DPH6: variants seen among roughly 807,000 people sequenced by gnomAD.
The protein encoded by DPH6 is diphthamine biosynthesis 6, also known as diphthine--ammonia ligase.
A neutral mutation model predicts 38.2 loss-of-function variants in DPH6; 33 were observed. The ratio of observed to expected loss-of-function variants is 0.86; its 90% confidence interval spans 0.65 to 1.15. The LOEUF is 1.15. DPH6 is among the 50% of genes most tolerant of loss of function. The pLI, the probability that DPH6 is intolerant of heterozygous loss-of-function variation, is 0.00. For synonymous variants in DPH6, 108 were observed against 103.0 expected, an observed-to-expected ratio of 1.05 and a Z score of -0.30; for missense variants, 325 against 320.0, an observed-to-expected ratio of 1.02 and a Z score of -0.12.
the DPH6 span, among the ~76,000 whole-genome samples, chr15:35,210,770 C>T: frequency 2.6e-5 from 4 of 152,012 alleles, no homozygotes; most frequent in Admixed American, 6.6e-5. Context: ...GATCTTCCTT[C>T]AAGTCTGTGT....
rs1480635012 is a variant in DPH6, at chr15:35,247,030, AAACTATCTCTTGCTG to A, written n.201-26463_201-26449del. Among the ~76,000 whole-genome samples the A allele has an allele frequency of 2.6e-5, 4 of 152,186 alleles. No homozygotes were observed. In the East Asian group the frequency reaches 7.7e-4, roughly 29 times the overall value. On this transcript the variant is annotated intron_variant and non_coding_transcript_variant, in intron 3 of 3. Coordinates refer to the DPH6 transcript ENST00000560386. Reference sequence around the variant, plus strand: ...TGTAGAGCAATTTTTATGTTAAAACAAACTATCTCTTGCTGATTCCATTTGCCTCAATTAAGGAAT... The same window carrying A: ...TGTAGAGCAATTTTTATGTTAAAACAATTCCATTTGCCTCAATTAAGGAAT...
At chr15:35,276,776 T>A (rs1184591567) in intron 3 of DPH6, among the ~76,000 whole-genome samples, 1 of 152,210 alleles carries the variant, frequency 6.6e-6, no homozygotes, top group Non-Finnish European at 1.5e-5. Flanking sequence ...TCTATTCTGT[T>A]CCATTGGTCT....
At chr15:35,373,697 C>G (rs1003207569) in intron 7 of DPH6, 89 bp from the exon 8 acceptor site, 1 of 989,050 alleles carries the variant, frequency 1.0e-6, no homozygotes, top group Non-Finnish European at 1.5e-6. Context: ...ACTAAACATT[C>G]TTGTTTTATA....
intron 6 of DPH6, among the ~76,000 whole-genome samples, chr15:35,397,687 T>C (rs2053155070): frequency 6.6e-6 from 1 of 152,098 alleles, no homozygotes; most frequent in Admixed American, 6.6e-5. Flanking sequence ...AGGGCACTAA[T>C]TAACAAGCAG....
intron 3 of DPH6, among the ~76,000 whole-genome samples, chr15:35,312,435 T>G (rs1223542737): frequency 6.6e-6 from 1 of 152,086 alleles, no homozygotes; most frequent in Non-Finnish European, 1.5e-5. Context: ...AATCCAGGTG[T>G]CCACAAACTG....
At chr15:35,209,877 C>A in the DPH6 span, among the ~76,000 whole-genome samples, 1 of 152,172 alleles carries the variant, frequency 6.6e-6, no homozygotes, top group African/African-American at 2.4e-5. Context: ...AAAACCTTTT[C>A]ATAAATTGCT....
At chr15:35,257,749 GTAT>G (rs2051717680) in intron 3 of DPH6, among the ~76,000 whole-genome samples, 1 of 146,740 alleles carries the variant, frequency 6.8e-6, no homozygotes, top group Admixed American at 6.9e-5. Flanking sequence ...ACTCAAAACA[GTAT>G]TATTTTCTTG....
Position 35,338,536 on chromosome 15 carries a change from G to A in DPH6, n.208-7459C>T, listed in dbSNP as rs1226168351. Among the ~76,000 whole-genome samples the A allele has an allele frequency of 3.3e-5, 5 of 152,170 alleles. No individual in the cohort carries two copies. The South Asian group carries it at 1.0e-3, about 32-fold the overall frequency. ...TCATTAAAAAGTCAGGAAACAACAG[G>A]TGCTGGAGAGGATGTGGAGAAATAG... is the stretch of plus-strand genomic sequence containing the variant. On this transcript the variant is annotated intron_variant and non_coding_transcript_variant, in intron 3 of 3. Transcript: ENST00000558973.
chr15:35,334,327 T>G (rs1054061546), intron 3 of DPH6, among the ~76,000 whole-genome samples: 2 of 152,118 alleles, frequency 1.3e-5, no homozygotes, highest in African/African-American at 4.8e-5. Context: ...AAGATAAACT[T>G]GTATATTATG....
intron 3 of DPH6, among the ~76,000 whole-genome samples, chr15:35,246,487 T>C (rs776893263): frequency 3.9e-5 from 6 of 152,214 alleles, no homozygotes; most frequent in Non-Finnish European, 7.3e-5. Context: ...CTTCAAATAG[T>C]ATTTTTCTTC....
chr15:35,241,502 T>C (rs2051598802), intron 3 of DPH6, among the ~76,000 whole-genome samples: 1 of 137,790 alleles, frequency 7.3e-6, no homozygotes, highest in African/African-American at 2.6e-5. Flanking sequence ...CACTCTTTTT[T>C]AGTTATCTCC....
intron 3 of DPH6, among the ~76,000 whole-genome samples, chr15:35,529,730 T>G (rs2055059239): frequency 1.3e-5 from 2 of 152,148 alleles, no homozygotes; most frequent in Admixed American, 1.3e-4. Context: ...AATTAATGTT[T>G]GACAAATGAA....
chr15:35,381,759 G>A lies in DPH6; in HGVS notation c.662+63C>T. ...CAACAAAAGTTGCCTCAAGCTTAAT[G>A]TTCAGTTGCTTCCATCACTTAAATT... On this transcript the variant is annotated intron_variant, in intron 7 of 8. Transcript: ENST00000256538. 5 of 1,363,544 alleles carry A rather than the reference G, an allele frequency of 3.7e-6. No individual in the cohort carries two copies. The Middle Eastern group carries it at 5.4e-4, about 148-fold the overall frequency. The allele number at this position is 1,363,544 out of a possible 1,614,324, so 84.5% of individuals were successfully genotyped here.
chr15:35,152,822 G>T, the DPH6 span, among the ~76,000 whole-genome samples: 1 of 152,282 alleles, frequency 6.6e-6, no homozygotes, highest in East Asian at 1.9e-4. Flanking sequence ...TTTTTGAGAT[G>T]AGAGGAAGAA....
intron 3 of DPH6, among the ~76,000 whole-genome samples, chr15:35,307,891 T>C (rs1214953326): frequency 2.0e-5 from 3 of 152,194 alleles, no homozygotes; most frequent in Non-Finnish European, 4.4e-5. Flanking sequence ...GTACAAAATA[T>C]ATAGATATGT....
At chr15:35,340,630 C>T (rs1315569607) in intron 3 of DPH6, among the ~76,000 whole-genome samples, 4 of 152,138 alleles carry the variant, frequency 2.6e-5, no homozygotes, top group Non-Finnish European at 5.9e-5. Context: ...TTCTCTTTTG[C>T]TTATGAAGCT....
At chr15:35,285,454 T>G (rs1418925312) in intron 3 of DPH6, among the ~76,000 whole-genome samples, 5 of 152,146 alleles carry the variant, frequency 3.3e-5, no homozygotes, top group Non-Finnish European at 1.5e-5. Flanking sequence ...TTGCATAAGC[T>G]CTCTCTCTTT....
At chr15:35,183,241 A>C in the DPH6 span, among the ~76,000 whole-genome samples, 1 of 152,178 alleles carries the variant, frequency 6.6e-6, no homozygotes, top group South Asian at 2.1e-4. Flanking sequence ...AAACAGGTTA[A>C]AGCTCATTAG....
chr15:35,201,169 T>C, the DPH6 span, among the ~76,000 whole-genome samples: 15 of 151,830 alleles, frequency 9.9e-5, no homozygotes, highest in African/African-American at 3.6e-4. Context: ...TTATACTTGA[T>C]GTCTGAATTT....
Sources: allele counts gnomAD v4.1 joint callset (sites outside exome capture counted in the v4.1 genomes callset), GRCh38; gene constraint gnomAD v4.1.1; transcripts MANE v1.5; gene names NCBI Gene and HGNC (gene_info 2026-07-23, HGNC 2026-07-21).